Variants in FBXW10 observed in about 807,000 individuals in gnomAD.
The protein encoded by FBXW10 is F-box and WD repeat domain containing 10.
In FBXW10, 68 loss-of-function variants were observed where a neutral mutation model predicts 113.1. The observed-to-expected ratio is 0.60, with a 90% CI of 0.49 to 0.74. The LOEUF is 0.74. FBXW10 is among the 30% of genes least tolerant of loss of function. FBXW10 has a pLI of 0.00. For missense variants in FBXW10, 753 were observed against 1,284.5 expected (o/e 0.59, Z 6.32); for synonymous variants, 289 against 481.6 (o/e 0.60, Z 5.24).
At chr17:18,768,022 CCTTT>C (rs1300989711) in intron 9 of FBXW10, among the ~76,000 whole-genome samples, 1,851 of 125,622 alleles carry the variant, frequency 0.015, 46 homozygotes, top group African/African-American at 0.047. Flanking sequence ...TTCCTTCCTT[CCTTT>C]CTTCCTTCCT....
At position 18,750,062 on chromosome 17, in the gene FBXW10, G is replaced by A. The variant is rs763441089; in HGVS notation, c.924G>A (p.Trp308Ter). 6.2e-7 allele frequency: 1 copy of A among 1,613,566 alleles called. No homozygotes were observed. The highest frequency in any genetic ancestry group is 1.1e-5 in the South Asian group (1 of 91,004). ...AGTGCGCCTCTGTGAGCCAGCACTG[G>A]GCCGCCATGGCTCAACAGGTCAAGA... Reference protein sequence around the residue: ...LNKCASVSQHWAAMAQQVKMD... With the variant: ...LNKCASVSQH The change falls in exon 4 of 14, where the codon TGG (tryptophan) becomes TGA (stop). Residue 308 changes from tryptophan to a stop codon, truncating the protein, a stop_gained. Transcript: ENST00000395665. LOFTEE classifies it high-confidence loss of function.
chr17:18,773,421 A>T (rs2035651772), intron 12 of FBXW10, among the ~76,000 whole-genome samples: 1 of 152,196 alleles, frequency 6.6e-6, no homozygotes. Flanking sequence ...ATCTGTGCAG[A>T]ATGTATTGTT....
intron 7 of FBXW10, among the ~76,000 whole-genome samples, chr17:18,762,513 G>A (rs1180711280): frequency 2.7e-5 from 4 of 150,752 alleles, no homozygotes; most frequent in Admixed American, 2.0e-4. Context: ...TAGTAGAGAC[G>A]AGGTTTCACT....
chr17:18,777,606 C>T (rs1258565534), intron 13 of FBXW10, among the ~76,000 whole-genome samples: 5 of 150,390 alleles, frequency 3.3e-5, no homozygotes, highest in African/African-American at 7.3e-5. Flanking sequence ...TGCAGTGGCG[C>T]GATCTTGGCT....
chr17:18,767,552 C>A lies in FBXW10; in HGVS notation c.1704+690C>A, dbSNP rs962583290. Among the ~76,000 whole-genome samples the A allele has an allele frequency of 1.1e-4, 16 of 151,744 alleles. 1 individual carries two copies. The highest frequency in any genetic ancestry group is 1.9e-4 in the Non-Finnish European group (13 of 67,996). On this transcript the variant is annotated intron_variant, in intron 9 of 13. Transcript: ENST00000395665. Reference sequence around the variant, plus strand: ...CAGAGAATTTTTTTTTCTCCATGCTCTCTAATGAAGAGAGAACATGGATGG... The same window carrying A: ...CAGAGAATTTTTTTTTCTCCATGCTATCTAATGAAGAGAGAACATGGATGG...
Position 18,756,072 on chromosome 17 carries a change from C to T in FBXW10, c.1150C>T (p.Gln384Ter), listed in dbSNP as rs2035255217. Residue 384 changes from glutamine to a stop codon, truncating the protein, a stop_gained, in exon 6 of 14, where the codon CAG becomes TAG. Transcript: ENST00000395665. LOFTEE classifies it high-confidence loss of function. The part of the protein sequence containing the change: ...KNEYNLWTAY[Q>*]NEETQQVLIE... ...TGAGTACAACCTGTGGACTGCATAC[C>T]AGAACGAGGAAACGCAGCAGGTCCT... The T allele has an allele frequency of 6.2e-7, 1 of 1,613,778 alleles. No homozygotes were observed. Among genetic ancestry groups the T allele is most frequent in the Non-Finnish European group, 8.5e-7 (1 of 1,179,864 alleles).
chr17:18,756,430 A>C (rs868655695), intron 6 of FBXW10, among the ~76,000 whole-genome samples: 1 of 152,174 alleles, frequency 6.6e-6, no homozygotes, highest in Non-Finnish European at 1.5e-5. Context: ...TTTTTGAAAT[A>C]TCTTTATTTT....
chr17:18,761,938 T>C (rs1162393150), intron 7 of FBXW10, among the ~76,000 whole-genome samples: 1 of 152,152 alleles, frequency 6.6e-6, no homozygotes, highest in African/African-American at 2.4e-5. Context: ...AAAGCATGTA[T>C]GTTTCATAAT....
rs372048450 is a variant in FBXW10 at position 18,751,082 on chromosome 17, A to T, written c.1122+29A>T. On this transcript the variant is annotated intron_variant, in intron 5 of 13. Coordinates refer to ENST00000395665, the MANE Select transcript of FBXW10 (RefSeq NM_001267585.2). ...GGTTCCAACAGCATCTGGGGCAAGT[A>T]GCTGTGAGCGTCTCATTCTAATTGT... 61 of 1,613,472 alleles carry T rather than the reference A, an allele frequency of 3.8e-5. No homozygotes were observed. In the Admixed American group the frequency reaches 4.5e-4, roughly 12 times the overall value.
Position 18,749,992 on chromosome 17 carries a change from C to G in FBXW10, c.872-18C>G, listed in dbSNP as rs1390295318. On this transcript the variant is annotated intron_variant, in intron 3 of 13. Coordinates refer to ENST00000395665, the MANE Select transcript of FBXW10 (RefSeq NM_001267585.2). ...TGGCCCAGTTCTGGGGTTTCTGGGT[C>G]CATCTTTTTTTTTCCAGGAATGCTG... 6.2e-7 allele frequency: 1 copy of G among 1,613,990 alleles called. No homozygotes were observed. Among genetic ancestry groups the G allele is most frequent in the Admixed American group, 1.7e-5 (1 of 60,004 alleles).
chr17:18,769,731 C>T (rs1240623274), intron 10 of FBXW10, 196 bp from the exon 11 acceptor site: 9 of 595,106 alleles, frequency 1.5e-5, no homozygotes, highest in African/African-American at 3.8e-5. Flanking sequence ...GAGCCAAGAT[C>T]GCACCGTTGC....
chr17:18,768,727 C>T (rs1010179271), intron 10 of FBXW10, 51 bp downstream of exon 10: 20 of 1,596,360 alleles, frequency 1.3e-5, no homozygotes, highest in African/African-American at 8.1e-5. Flanking sequence ...TTCCCTTCCC[C>T]GTCATAGCCT....
intron 7 of FBXW10, among the ~76,000 whole-genome samples, chr17:18,761,264 TTTTC>T (rs1218943877): frequency 1.3e-5 from 2 of 151,720 alleles, no homozygotes; most frequent in African/African-American, 2.4e-5. Flanking sequence ...TACTTTTCAC[TTTTC>T]TTTTTTTTTT....
chr17:18,747,540 G>A (rs1482799068), intron 1 of FBXW10, among the ~76,000 whole-genome samples: 1 of 152,018 alleles, frequency 6.6e-6, no homozygotes, highest in African/African-American at 2.4e-5. Flanking sequence ...TGGGCAATAA[G>A]AGCAAAACTC....
At chr17:18,746,039 G>A (rs2035033303) in intron 1 of FBXW10, among the ~76,000 whole-genome samples, 1 of 152,174 alleles carries the variant, frequency 6.6e-6, no homozygotes, top group Non-Finnish European at 1.5e-5. Flanking sequence ...GAATGCAAGG[G>A]AAATCAATGT....
Position 18,748,124 on chromosome 17 carries a change from A to G in FBXW10, c.670+19A>G. 6.2e-7 allele frequency: 1 copy of G among 1,613,788 alleles called. No individual in the cohort carries two copies. The highest frequency in any genetic ancestry group is 1.3e-5 in the African/African-American group (1 of 75,040). ...AACCCTGGTAAGTGAACTTTCAGCAAGAAAGCCAATATGGGCTAGGTGCGG... is the reference window on the plus strand; with the variant it reads ...AACCCTGGTAAGTGAACTTTCAGCAGGAAAGCCAATATGGGCTAGGTGCGG... On this transcript the variant is annotated intron_variant, in intron 2 of 13. Coordinates refer to ENST00000395665, the MANE Select transcript of FBXW10 (RefSeq NM_001267585.2).
chr17:18,776,975 C>G (rs1160091674), intron 13 of FBXW10, among the ~76,000 whole-genome samples: 4 of 151,172 alleles, frequency 2.6e-5, no homozygotes, highest in Non-Finnish European at 4.4e-5. Flanking sequence ...GAGCTCATCA[C>G]AATTCCTTTT....
chr17:18,752,446 A>G (rs28529731), intron 5 of FBXW10, among the ~76,000 whole-genome samples: 2 of 152,156 alleles, frequency 1.3e-5, no homozygotes, highest in Non-Finnish European at 2.9e-5. Context: ...CAGGTGCAGC[A>G]GCTCACGCCT....
At chr17:18,747,864 A>C in intron 1 of FBXW10, 77 bp from the exon 2 acceptor site, 1 of 1,598,456 alleles carries the variant, frequency 6.3e-7, no homozygotes. Context: ...AGAAAAAATG[A>C]AAAAGTTTCT....
Sources: gnomAD v4.1 joint callset for allele counts (sites outside exome capture counted in the v4.1 genomes callset) on GRCh38, gnomAD v4.1.1 for gene constraint, MANE v1.5 for transcripts, NCBI Gene and HGNC (gene_info 2026-07-23, HGNC 2026-07-21) for gene names.